Variants in OR51B5 observed in about 807,000 individuals in gnomAD.
The protein encoded by OR51B5 is olfactory receptor 51B5.
For missense variants in OR51B5, 456 were observed against 374.6 expected (o/e 1.22, Z -1.79); for synonymous variants, 186 against 144.8 (o/e 1.28, Z -2.04).
downstream of OR51B5, chr11:5,340,556 G>A (rs1015134852): frequency 7.9e-5 from 12 of 151,690 alleles, no homozygotes; most frequent in African/African-American, 2.7e-4. Flanking sequence ...GAGATACAAT[G>A]CAAAATATCA....
chr11:5,381,158 T>C lies in OR51B5; in HGVS notation n.85-34248A>G, dbSNP rs535789780. Among the ~76,000 whole-genome samples the C allele has an allele frequency of 3.4e-4, 12 of 35,128 alleles. No homozygotes were observed. In the South Asian group the frequency reaches 0.012, roughly 34 times the overall value. The allele number at this position is 35,128 out of a possible 152,430, so 23.0% of individuals were successfully genotyped here. A position where few individuals can be genotyped will look rare whatever the true frequency, so the allele number is the denominator to read the frequency against. ...CTCTCTCTCTGTCGCTCGCTCGCTG[T>C]TTCTCTCTCTCTCTCTCACACACAC... On this transcript the variant is annotated intron_variant and non_coding_transcript_variant, in intron 1 of 4. Transcript: ENST00000415970.
upstream of OR51B5, among the ~76,000 whole-genome samples, chr11:5,344,348 A>C (rs1848956235): frequency 6.6e-6 from 1 of 152,128 alleles, no homozygotes; most frequent in African/African-American, 2.4e-5. Flanking sequence ...TTCTTTTTAA[A>C]TTATTTTTCT....
intron 1 of OR51B5, chr11:5,422,730 C>T: frequency 3.1e-6 from 5 of 1,614,068 alleles, no homozygotes; most frequent in Non-Finnish European, 4.2e-6. Flanking sequence ...CACCTTCTCT[C>T]TCGCTCCTAT....
At chr11:5,404,102 C>T (rs896952573) in intron 1 of OR51B5, among the ~76,000 whole-genome samples, 2 of 145,316 alleles carry the variant, frequency 1.4e-5, no homozygotes, top group Non-Finnish European at 3.0e-5. Flanking sequence ...CTGGGATTCT[C>T]CCATCCAGGT....
At chr11:5,409,941 A>G (rs550171477) in intron 1 of OR51B5, among the ~76,000 whole-genome samples, 1 of 152,272 alleles carries the variant, frequency 6.6e-6, no homozygotes, top group African/African-American at 2.4e-5. Flanking sequence ...AATAGTACAA[A>G]CAGCTGGCTT....
intron 1 of OR51B5, chr11:5,489,006 C>T (rs1457912671): frequency 6.2e-7 from 1 of 1,614,058 alleles, no homozygotes. Flanking sequence ...TTGGTGGATG[C>T]CTGGCCCAGA....
chr11:5,390,397 C>T (rs991626248), intron 1 of OR51B5: 1 of 1,560,478 alleles, frequency 6.4e-7, no homozygotes, highest in South Asian at 1.2e-5. Flanking sequence ...GGCTAAAACT[C>T]CCCCTAGAGG....
intron 1 of OR51B5, among the ~76,000 whole-genome samples, chr11:5,412,985 C>T (rs1241886406): frequency 6.6e-6 from 1 of 151,992 alleles, no homozygotes; most frequent in Non-Finnish European, 1.5e-5. Flanking sequence ...GGGCAGACTG[C>T]CTCCTCAAGT....
rs542848223 is a variant in OR51B5 at position 5,477,792 on chromosome 11, C to T, written n.84+27777G>A. Among the ~76,000 whole-genome samples the T allele has an allele frequency of 4.7e-4, 71 of 152,290 alleles. 2 individuals carry two copies. The South Asian group carries it at 9.5e-3, about 20-fold the overall frequency. On this transcript the variant is annotated intron_variant and non_coding_transcript_variant, in intron 1 of 4. Transcript: ENST00000415970. ...TCGGGTCACTCCCACCTGAATATTG[C>T]GCTTTTCGGACTGGCTTAAAAAACG...
chr11:5,427,462 G>A (rs1850467775), intron 1 of OR51B5, among the ~76,000 whole-genome samples: 1 of 152,236 alleles, frequency 6.6e-6, no homozygotes, highest in African/African-American at 2.4e-5. Flanking sequence ...ATGAATTAGA[G>A]TTGAAGACAT....
chr11:5,370,499 C>A (rs760533228), intron 1 of OR51B5, among the ~76,000 whole-genome samples: 12 of 152,152 alleles, frequency 7.9e-5, no homozygotes, highest in Non-Finnish European at 1.6e-4. Flanking sequence ...CAGAAAATAT[C>A]TATTCTTTAT....
intron 1 of OR51B5, among the ~76,000 whole-genome samples, chr11:5,503,954 TC>T (rs1783206787): frequency 6.6e-6 from 1 of 152,152 alleles, no homozygotes; most frequent in African/African-American, 2.4e-5. Context: ...GTGATGTACT[TC>T]CCCTCTTCAT....
upstream of OR51B5, chr11:5,343,609 T>C (rs1848942323): frequency 1.7e-6 from 1 of 580,054 alleles, no homozygotes. Flanking sequence ...ACTTCGACTA[T>C]ATCATTCTCA....
intron 1 of OR51B5, among the ~76,000 whole-genome samples, chr11:5,378,666 C>T (rs1849565044): frequency 6.6e-6 from 1 of 152,224 alleles, no homozygotes; most frequent in Admixed American, 6.5e-5. Context: ...TGAACAGACA[C>T]TTCTCAAAAG....
At chr11:5,444,991 CTATT>C (rs1367544511) in intron 1 of OR51B5, among the ~76,000 whole-genome samples, 1 of 152,138 alleles carries the variant, frequency 6.6e-6, no homozygotes, top group Non-Finnish European at 1.5e-5. Flanking sequence ...ACCTATTTAA[CTATT>C]TATTTACTAA....
intron 1 of OR51B5, chr11:5,390,560 T>C (rs950994740): frequency 2.4e-4 from 140 of 582,118 alleles, no homozygotes; most frequent in Admixed American, 6.4e-5. Context: ...TGCTTAGATT[T>C]TAATGGCTCC....
At chr11:5,401,229 AGT>A (rs1289513418) in intron 1 of OR51B5, among the ~76,000 whole-genome samples, 1 of 152,212 alleles carries the variant, frequency 6.6e-6, no homozygotes, top group East Asian at 1.9e-4. Context: ...TGTATTCAGC[AGT>A]GTGTCTGAGC....
At chr11:5,468,119 CAT>C (rs746357252) in intron 1 of OR51B5, among the ~76,000 whole-genome samples, 9 of 152,278 alleles carry the variant, frequency 5.9e-5, no homozygotes, top group Middle Eastern at 3.4e-3. Flanking sequence ...TCTCAGGTAA[CAT>C]AATCTACATT....
chr11:5,471,904 G>T (rs1768757090), intron 1 of OR51B5, among the ~76,000 whole-genome samples: 1 of 152,118 alleles, frequency 6.6e-6, no homozygotes, highest in African/African-American at 2.4e-5. Flanking sequence ...GGCACAAGAT[G>T]TACTGAATAA....
Sources: allele counts gnomAD v4.1 joint callset (sites outside exome capture counted in the v4.1 genomes callset), GRCh38; gene constraint gnomAD v4.1.1; transcripts MANE v1.5; gene names NCBI Gene and HGNC (gene_info 2026-07-23, HGNC 2026-07-21).